The following VSTM2B variants were observed in gnomAD, a reference collection of about 807,000 sequenced individuals.
VSTM2B encodes V-set and transmembrane domain-containing protein 2B.
VSTM2B carries 24 observed loss-of-function variants against 24.0 expected under a neutral mutation model. The ratio of observed to expected loss-of-function variants is 1.00; its 90% CI spans 0.72 to 1.40. The LOEUF (loss-of-function observed/expected upper bound fraction) is 1.40. Among genes scored for constraint, VSTM2B ranks in the 40% most tolerant of loss-of-function variants. The probability of loss-of-function intolerance (pLI) is 0.00; values close to 1 mark genes in which losing one functional copy is unlikely to be tolerated. For synonymous variants in VSTM2B, 226 were observed against 194.4 expected, an observed-to-expected ratio of 1.16 and a Z score of -1.35; for missense variants, 399 against 416.4, an observed-to-expected ratio of 0.96 and a Z score of 0.36.
rs1311552483 is a variant in VSTM2B, at chr19:29,530,115, C to G, written c.594C>G (p.Gly198=). The change falls in exon 4 of 5, where the codon GGC becomes GGG. Residue 198 remains glycine, a synonymous_variant. Transcript: ENST00000335523. ...ASRTTSEPGR[G]DKSPPPGSPP... ...GTACCACCTCCGAGCCCGGCCGCGG[C>G]GACAAGAGCCCGCCGCCCGGGAGCC... The G allele has an allele frequency of 4.2e-6, 6 of 1,443,904 alleles. No individual in the cohort carries two copies. The South Asian group carries it at 8.3e-5, about 20-fold the overall frequency. 89.4% of individuals were successfully genotyped at this position (1,443,904 alleles called of 1,614,324 possible).
chr19:29,560,176 G>T (rs981492794), intron 4 of VSTM2B, among the ~76,000 whole-genome samples: 1 of 152,092 alleles, frequency 6.6e-6, no homozygotes, highest in Non-Finnish European at 1.5e-5. Context: ...ATAATGTTCC[G>T]CCAGCAAAAG....
Position 29,560,393 on chromosome 19 carries a change from G to A in VSTM2B, c.770-3453G>A, listed in dbSNP as rs143392243. ...TTTATGAGGTAAAGAATGTTGCCCC[G>A]CGTCACATAGCAAGCTGGAAACAGG... On this transcript the variant is annotated intron_variant, in intron 4 of 4. Coordinates refer to ENST00000335523, the MANE Select transcript of VSTM2B (RefSeq NM_001146339.2). Among the ~76,000 whole-genome samples, 98 of 152,202 alleles carry A rather than the reference G, an allele frequency of 6.4e-4. 2 individuals are homozygous for A. Among genetic ancestry groups the A allele is most frequent in the Non-Finnish European group, 1.1e-3 (74 of 68,008 alleles).
At chr19:29,527,460 C>G in intron 2 of VSTM2B, 65 bp downstream of exon 2, 1 of 1,370,396 alleles carries the variant, frequency 7.3e-7, no homozygotes, top group Non-Finnish European at 9.4e-7. Flanking sequence ...GAAGGCTAAC[C>G]CAGGGAGGGA....
Position 29,550,231 on chromosome 19 carries a change from G to C in VSTM2B, c.770-13615G>C, listed in dbSNP as rs189804536. On this transcript the variant is annotated intron_variant, in intron 4 of 4. Coordinates refer to ENST00000335523, the MANE Select transcript of VSTM2B (RefSeq NM_001146339.2). ...GGAGGATCACTTGAGGCCAGGATTT[G>C]AAGAGTAGCCTGGGCAACATAGCAA... is the stretch of plus-strand genomic sequence containing the variant. 3.7e-4 allele frequency among the ~76,000 whole-genome samples: 56 copies of C among 152,332 alleles called. No homozygotes were observed. In the East Asian group the frequency reaches 9.3e-3, roughly 25 times the overall value.
At chr19:29,553,500 G>T (rs1160356249) in intron 4 of VSTM2B, among the ~76,000 whole-genome samples, 2 of 152,184 alleles carry the variant, frequency 1.3e-5, no homozygotes, top group African/African-American at 4.8e-5. Context: ...ACAAAGATGA[G>T]AATCAATGAA....
At chr19:29,551,346 G>C (rs1204764685) in intron 4 of VSTM2B, among the ~76,000 whole-genome samples, 1 of 152,106 alleles carries the variant, frequency 6.6e-6, no homozygotes, top group Admixed American at 6.6e-5. Flanking sequence ...TGGCTTGAGA[G>C]CTGCCATATT....
intron 4 of VSTM2B, among the ~76,000 whole-genome samples, chr19:29,532,354 C>T (rs921636517): frequency 6.6e-6 from 1 of 152,156 alleles, no homozygotes; most frequent in Non-Finnish European, 1.5e-5. Flanking sequence ...CTTCACAGTG[C>T]AAGGGGAGCG....
At chr19:29,530,578 C>T (rs1396302735) in intron 4 of VSTM2B, among the ~76,000 whole-genome samples, 3 of 152,228 alleles carry the variant, frequency 2.0e-5, no homozygotes, top group East Asian at 1.9e-4. Flanking sequence ...TGTGGGGAGG[C>T]GACCTCTTTT....
At chr19:29,527,717 G>A (rs1056152597) in intron 2 of VSTM2B, among the ~76,000 whole-genome samples, 6 of 152,128 alleles carry the variant, frequency 3.9e-5, no homozygotes, top group Non-Finnish European at 8.8e-5. Flanking sequence ...GGTAGTGAAG[G>A]AAGCCCCCTT....
In VSTM2B at chr19:29,530,112, C is replaced by T. The variant is rs901814423; in HGVS notation, c.591C>T (p.Arg197=). 4.8e-6 allele frequency: 7 copies of T among 1,445,492 alleles called. No individual in the cohort carries two copies. The South Asian group carries it at 6.9e-5, about 14-fold the overall frequency. 89.5% of individuals were successfully genotyped at this position (1,445,492 alleles called of 1,614,324 possible). A position where few individuals can be genotyped will look rare whatever the true frequency, so the allele number is the denominator to read the frequency against. Residue 197 remains arginine, a synonymous_variant, in exon 4 of 5, where the codon CGC becomes CGT. Coordinates refer to ENST00000335523, the MANE Select transcript of VSTM2B (RefSeq NM_001146339.2). ...AASRTTSEPG[R]GDKSPPPGSP... The stretch of plus-strand genomic sequence containing the variant: ...GCCGTACCACCTCCGAGCCCGGCCG[C>T]GGCGACAAGAGCCCGCCGCCCGGGA...
rs80118240 is a variant in VSTM2B at position 29,548,890 on chromosome 19, G to C, written c.770-14956G>C. Among the ~76,000 whole-genome samples the C allele has an allele frequency of 3.1e-3, 478 of 152,350 alleles. 13 individuals are homozygous for C. In the East Asian group the frequency reaches 0.08, roughly 25 times the overall value. On this transcript the variant is annotated intron_variant, in intron 4 of 4. Transcript: ENST00000335523. ...TCAGGCACCCACAAAGGGCCAGGTT[G>C]GCTGAGCAAAAGGGGCCCAACTGCG...
intron 4 of VSTM2B, 51 bp from the exon 5 acceptor site, chr19:29,563,795 A>G (rs1306828935): frequency 9.3e-6 from 14 of 1,501,864 alleles, no homozygotes; most frequent in Non-Finnish European, 1.3e-5. Flanking sequence ...GTGAGCTCCT[A>G]GGTTCTTGAG....
chr19:29,549,017 C>T (rs1970212690), intron 4 of VSTM2B, among the ~76,000 whole-genome samples: 1 of 152,214 alleles, frequency 6.6e-6, no homozygotes, highest in Non-Finnish European at 1.5e-5. Context: ...CAGCCGGCCC[C>T]CACCCACCCC....
intron 4 of VSTM2B, among the ~76,000 whole-genome samples, chr19:29,530,773 T>C (rs1032024117): frequency 6.6e-6 from 1 of 152,138 alleles, no homozygotes; most frequent in African/African-American, 2.4e-5. Context: ...GAACAGACTT[T>C]GTCCAAGGGT....
chr19:29,555,392 A>G (rs1333877205), intron 4 of VSTM2B, among the ~76,000 whole-genome samples: 3 of 152,228 alleles, frequency 2.0e-5, no homozygotes, highest in Non-Finnish European at 4.4e-5. Flanking sequence ...AATTTCTGGG[A>G]CACAACTGAA....
chr19:29,545,094 G>A (rs1970119501), intron 4 of VSTM2B, among the ~76,000 whole-genome samples: 1 of 152,042 alleles, frequency 6.6e-6, no homozygotes, highest in African/African-American at 2.4e-5. Context: ...CTCCAGACTG[G>A]GTCAGCGAGG....
At chr19:29,555,617 A>G (rs1408055920) in intron 4 of VSTM2B, among the ~76,000 whole-genome samples, 5 of 151,878 alleles carry the variant, frequency 3.3e-5, no homozygotes, top group African/African-American at 1.2e-4. Flanking sequence ...TAATGAATCC[A>G]GGAGCTAGTT....
chr19:29,533,498 T>G (rs1969810674), intron 4 of VSTM2B, among the ~76,000 whole-genome samples: 1 of 152,222 alleles, frequency 6.6e-6, no homozygotes, highest in Non-Finnish European at 1.5e-5. Flanking sequence ...GGCCTTCAGC[T>G]GGGAGGTCAG....
At chr19:29,545,580 G>A (rs939614455) in intron 4 of VSTM2B, among the ~76,000 whole-genome samples, 43 of 152,144 alleles carry the variant, frequency 2.8e-4, no homozygotes, top group African/African-American at 9.4e-4. Flanking sequence ...GCCATTGCAC[G>A]CCAGCCTGGG....
Sources: gnomAD v4.1 joint callset for allele counts (sites outside exome capture counted in the v4.1 genomes callset) on GRCh38, gnomAD v4.1.1 for gene constraint, MANE v1.5 for transcripts, NCBI Gene and HGNC (gene_info 2026-07-23, HGNC 2026-07-21) for gene names.